Variants in TBC1D4 observed in about 807,000 individuals in gnomAD.
The protein encoded by TBC1D4 is TBC (Tre-2, BUB2, CDC16) domain-containing protein.
TBC1D4 carries 121 observed loss-of-function variants against 142.5 expected under a neutral mutation model. The observed-to-expected ratio is 0.85, with a 90% CI of 0.73 to 0.99. The LOEUF (loss-of-function observed/expected upper bound fraction) is 0.99, where lower values mean the gene tolerates loss of function less well. Among genes scored for constraint, TBC1D4 ranks in the 50% least tolerant of loss-of-function variants. TBC1D4 has a pLI of 0.00. For missense variants in TBC1D4, 1,475 were observed against 1,606.6 expected (o/e 0.92, Z 1.40); for synonymous variants, 630 against 628.2 (o/e 1.00, Z -0.04).
At chr13:75,319,149 C>T (rs1878545387) in intron 12 of TBC1D4, among the ~76,000 whole-genome samples, 1 of 152,178 alleles carries the variant, frequency 6.6e-6, no homozygotes, top group Non-Finnish European at 1.5e-5. Flanking sequence ...AATTACCAGT[C>T]TCAAAAAAGT....
At chr13:75,376,094 C>T (rs994262006) in intron 1 of TBC1D4, 16 of 152,058 alleles carry the variant, frequency 1.1e-4, no homozygotes, top group Non-Finnish European at 1.5e-4. Flanking sequence ...ATTTAAGTTA[C>T]GTATTGCTTC....
intron 1 of TBC1D4, among the ~76,000 whole-genome samples, chr13:75,480,425 A>G (rs535864647): frequency 3.7e-4 from 56 of 152,300 alleles, no homozygotes; most frequent in Non-Finnish European, 6.5e-4. Context: ...CAAAGACACA[A>G]TCACTGCATA....
chr13:75,373,075 C>T (rs556473029), intron 1 of TBC1D4, among the ~76,000 whole-genome samples: 5 of 152,122 alleles, frequency 3.3e-5, no homozygotes, highest in Non-Finnish European at 5.9e-5. Flanking sequence ...CTTAATTGTG[C>T]AATGAAGTGG....
At chr13:75,343,229 A>G (rs1880857458) in intron 5 of TBC1D4, among the ~76,000 whole-genome samples, 1 of 152,262 alleles carries the variant, frequency 6.6e-6, no homozygotes, top group African/African-American at 2.4e-5. Flanking sequence ...GATAGTATAC[A>G]GGAGGATCAC....
chr13:75,457,643 AG>A (rs1252546053), intron 1 of TBC1D4, among the ~76,000 whole-genome samples: 1 of 152,230 alleles, frequency 6.6e-6, no homozygotes, highest in Non-Finnish European at 1.5e-5. Context: ...AGGACTTAAA[AG>A]TCTTTCACTT....
At chr13:75,308,927 TAA>T (rs1161797360) in intron 14 of TBC1D4, among the ~76,000 whole-genome samples, 1 of 152,044 alleles carries the variant, frequency 6.6e-6, no homozygotes, top group Non-Finnish European at 1.5e-5. Flanking sequence ...ATTGTTAAAA[TAA>T]AAAAATTAAA....
intron 3 of TBC1D4, among the ~76,000 whole-genome samples, chr13:75,358,382 A>C (rs996071520): frequency 5.3e-5 from 8 of 152,236 alleles, no homozygotes; most frequent in African/African-American, 1.7e-4. Context: ...GTGTCCTTTA[A>C]GTAGGAATGT....
intron 1 of TBC1D4, among the ~76,000 whole-genome samples, chr13:75,400,961 C>T (rs1885061014): frequency 6.6e-6 from 1 of 152,168 alleles, no homozygotes; most frequent in African/African-American, 2.4e-5. Flanking sequence ...AGTTTCTAGA[C>T]TCTAGATGCA....
chr13:75,312,926 T>G (rs1199784677), intron 12 of TBC1D4, 28 bp from the exon 13 acceptor site: 1 of 1,613,208 alleles, frequency 6.2e-7, no homozygotes, highest in South Asian at 1.1e-5. Context: ...ACATATCACT[T>G]ATAAGGAGAG....
intron 5 of TBC1D4, among the ~76,000 whole-genome samples, chr13:75,347,493 T>C (rs941628200): frequency 1.1e-4 from 17 of 152,238 alleles, no homozygotes; most frequent in African/African-American, 4.1e-4. Context: ...CAGTGTCTTC[T>C]TCTGATTGTT....
At chr13:75,406,265 T>TC (rs1885335351) in intron 1 of TBC1D4, among the ~76,000 whole-genome samples, 1 of 152,226 alleles carries the variant, frequency 6.6e-6, no homozygotes, top group Non-Finnish European at 1.5e-5. Context: ...ACTCAGAAAG[T>TC]AAACACTGGA....
chr13:75,436,857 TAA>T (rs56227449), intron 1 of TBC1D4, among the ~76,000 whole-genome samples: 82,067 of 151,860 alleles, frequency 0.54, 26,649 homozygotes, highest in Non-Finnish European at 0.68. Context: ...AATCAAGTGA[TAA>T]AAGTTAATAT....
chr13:75,353,368 G>A (rs946042241), intron 4 of TBC1D4, among the ~76,000 whole-genome samples: 1 of 152,200 alleles, frequency 6.6e-6, no homozygotes, highest in African/African-American at 2.4e-5. Flanking sequence ...CCTAGAAAAT[G>A]ATTGCCTGAA....
intron 1 of TBC1D4, among the ~76,000 whole-genome samples, chr13:75,413,820 T>G (rs1461664874): frequency 6.6e-6 from 1 of 152,170 alleles, no homozygotes; most frequent in African/African-American, 2.4e-5. Flanking sequence ...ACCACAGGTG[T>G]TTGCATTTCT....
intron 15 of TBC1D4, among the ~76,000 whole-genome samples, chr13:75,305,143 T>C (rs935298943): frequency 7.9e-5 from 12 of 152,176 alleles, no homozygotes; most frequent in Admixed American, 7.2e-4. Context: ...TTCACTTGGT[T>C]CTCATTCTCT....
intron 1 of TBC1D4, among the ~76,000 whole-genome samples, chr13:75,389,315 A>T (rs1884345222): frequency 6.6e-6 from 1 of 152,240 alleles, no homozygotes; most frequent in Non-Finnish European, 1.5e-5. Context: ...AATGAATTAT[A>T]AACAGCCTTG....
intron 1 of TBC1D4, among the ~76,000 whole-genome samples, chr13:75,445,233 G>A (rs1887225130): frequency 6.6e-6 from 1 of 152,188 alleles, no homozygotes; most frequent in Non-Finnish European, 1.5e-5. Flanking sequence ...AATAATCTAT[G>A]TGTATATACT....
chr13:75,326,249 C>T lies in TBC1D4; in HGVS notation c.1981G>A (p.Ala661Thr). Residue 661 changes from alanine (A) to threonine (T), a missense_variant, in exon 10 of 21, where the codon GCT (alanine) becomes ACT (threonine). Physicochemically the swap from Ala to Thr is moderately conservative, Grantham distance 58 (BLOSUM62 0). Transcript: ENST00000377636. Reference sequence around the variant, plus strand: ...AGCAGAGGGGAACGCACACCCTGAGCCCTCCCATCCTGCAAATTCAGCTTT... The same window carrying T: ...AGCAGAGGGGAACGCACACCCTGAGTCCTCCCATCCTGCAAATTCAGCTTT... ...KRKLNLQDGR[A>T]QGVRSPLLRQ... The T allele has an allele frequency of 6.2e-7, 1 of 1,614,144 alleles. No homozygotes were observed. The highest frequency in any genetic ancestry group is 1.1e-5 in the South Asian group (1 of 91,084).
Position 75,349,379 on chromosome 13 carries a change from C to T in TBC1D4, c.1276-77G>A. 5 of 1,574,446 alleles carry T rather than the reference C, an allele frequency of 3.2e-6. No homozygotes were observed. In the South Asian group the frequency reaches 5.6e-5, roughly 18 times the overall value. On this transcript the variant is annotated intron_variant, in intron 4 of 20. Transcript: ENST00000377636. ...ATTCAACATTCAACAGCAATGTGAG[C>T]CTTTGTTGATGCTGACTAAATAAAA...
Sources: allele counts gnomAD v4.1 joint callset (sites outside exome capture counted in the v4.1 genomes callset), GRCh38; gene constraint gnomAD v4.1.1; transcripts MANE v1.5; gene names NCBI Gene and HGNC (gene_info 2026-07-23, HGNC 2026-07-21).